Variants in AOPEP observed in about 807,000 individuals in gnomAD.
AOPEP encodes aminopeptidase O.
Under a neutral mutation model 98.1 loss-of-function variants are expected in AOPEP, and 77 were observed. That is an observed-to-expected ratio of 0.78 (90% CI 0.65 to 0.95). The LOEUF is 0.95. Among genes scored for constraint, AOPEP ranks in the 40% least tolerant of loss-of-function variants. AOPEP has a pLI of 0.00. For synonymous variants in AOPEP, 346 were observed against 365.3 expected (o/e 0.95, Z 0.60); for missense variants, 1,024 against 1,024.7 (o/e 1.00, Z 0.01).
At chr9:94,745,027 G>C (rs1453687624) in intron 1 of AOPEP, among the ~76,000 whole-genome samples, 1 of 152,042 alleles carries the variant, frequency 6.6e-6, no homozygotes, top group East Asian at 1.9e-4. Flanking sequence ...TCACATCAGG[G>C]AAATGGGGTA....
At position 94,773,045 on chromosome 9, in the gene AOPEP, CT is replaced by C; in HGVS notation, c.846del (p.Pro283HisfsTer25). ...TVGSPINNRALFPCQEPPVAM... is the reference protein window; with the variant it reads ...TVGSPINNRAXFPCQEPPVAM... ...GGGATCTCCCATAAACAACAGGGCC[CT>C]TTTTCCATGCCAGGAGCCACCCGTT... On this transcript the variant is annotated frameshift_variant, in exon 3 of 17. Coordinates refer to ENST00000375315, the MANE Select transcript of AOPEP (RefSeq NM_001193329.3). LOFTEE classifies it high-confidence loss of function. 1 of 1,614,078 alleles carries C rather than the reference CT, an allele frequency of 6.2e-7. No homozygotes were observed. Among genetic ancestry groups the C allele is most frequent in the Non-Finnish European group, 8.5e-7 (1 of 1,179,960 alleles).
At chr9:95,079,036 C>T (rs1448122146) in intron 14 of AOPEP, among the ~76,000 whole-genome samples, 1 of 152,186 alleles carries the variant, frequency 6.6e-6, no homozygotes, top group African/African-American at 2.4e-5. Context: ...GCCGTCCCAG[C>T]CTCCTTCCCT....
rs1464026689 is a variant in AOPEP, at chr9:95,005,629, G to A, written c.2115+13G>A. 1.2e-6 allele frequency: 2 copies of A among 1,611,848 alleles called. No individual in the cohort carries two copies. The highest frequency in any genetic ancestry group is 1.3e-5 in the African/African-American group (1 of 74,866). ...GGTGTTTGAAAAGGTAGGGGTTCCC[G>A]AGACGGTACTCGGTGCAGGTCTTGG... On this transcript the variant is annotated intron_variant, in intron 13 of 16. Transcript: ENST00000375315.
intron 5 of AOPEP, among the ~76,000 whole-genome samples, chr9:94,908,371 C>T (rs1406167355): frequency 2.6e-5 from 4 of 152,142 alleles, no homozygotes; most frequent in African/African-American, 4.8e-5. Context: ...CCCTTGTTGG[C>T]CCCTCACCAA....
the AOPEP span, among the ~76,000 whole-genome samples, chr9:95,144,272 T>C: frequency 6.6e-6 from 1 of 152,146 alleles, no homozygotes; most frequent in Non-Finnish European, 1.5e-5. Flanking sequence ...CTTGGGGAAC[T>C]TGCTGAGCTG....
At chr9:94,839,791 CAG>C (rs1490062674) in intron 5 of AOPEP, among the ~76,000 whole-genome samples, 2 of 151,532 alleles carry the variant, frequency 1.3e-5, no homozygotes, top group Non-Finnish European at 2.9e-5. Context: ...TTTTTTGAGA[CAG>C]GGTCTCACTC....
intron 1 of AOPEP, among the ~76,000 whole-genome samples, chr9:94,739,217 C>T (rs760435803): frequency 6.6e-6 from 1 of 152,208 alleles, no homozygotes; most frequent in Non-Finnish European, 1.5e-5. Context: ...CCGTACTTTC[C>T]TTAGCTCCCA....
At chr9:94,973,704 G>A (rs1335099524) in intron 10 of AOPEP, among the ~76,000 whole-genome samples, 2 of 152,200 alleles carry the variant, frequency 1.3e-5, no homozygotes, top group Non-Finnish European at 2.9e-5. Flanking sequence ...GAAAGTCCGC[G>A]CTCACTAGTA....
chr9:95,004,144 C>G (rs1490868386), intron 11 of AOPEP: 1 of 448,906 alleles, frequency 2.2e-6, no homozygotes, highest in South Asian at 1.6e-5. Flanking sequence ...AAGGGATGGT[C>G]AAGACCCAGC....
intron 13 of AOPEP, among the ~76,000 whole-genome samples, chr9:95,042,717 C>G (rs2133606651): frequency 6.6e-6 from 1 of 152,298 alleles, no homozygotes; most frequent in East Asian, 1.9e-4. Context: ...CCTTCTCACA[C>G]TGCTGTCTTT....
At chr9:95,036,131 G>C (rs1056657926) in intron 13 of AOPEP, among the ~76,000 whole-genome samples, 12 of 152,130 alleles carry the variant, frequency 7.9e-5, no homozygotes, top group African/African-American at 2.7e-4. Flanking sequence ...CTGTTTAAAG[G>C]TTCCTTTGTG....
At chr9:94,835,925 C>T (rs918375503) in intron 5 of AOPEP, among the ~76,000 whole-genome samples, 1 of 152,170 alleles carries the variant, frequency 6.6e-6, no homozygotes, top group Admixed American at 6.6e-5. Flanking sequence ...TTTGTTCTAT[C>T]CCTATACCTC....
intron 5 of AOPEP, among the ~76,000 whole-genome samples, chr9:94,835,885 T>C (rs985744120): frequency 6.6e-6 from 1 of 152,216 alleles, no homozygotes; most frequent in African/African-American, 2.4e-5. Flanking sequence ...GTGGGTTTTC[T>C]AGATTCTTCT....
At chr9:94,804,965 A>G (rs1848930093) in intron 5 of AOPEP, among the ~76,000 whole-genome samples, 1 of 152,202 alleles carries the variant, frequency 6.6e-6, no homozygotes, top group Non-Finnish European at 1.5e-5. Flanking sequence ...TCCGGTCCAC[A>G]GGCCTCAAGG....
intron 5 of AOPEP, among the ~76,000 whole-genome samples, chr9:94,849,506 CT>C (rs71496986): frequency 6.1e-4 from 17 of 27,940 alleles, no homozygotes; most frequent in Admixed American, 2.6e-3. Context: ...TTCTTTCTTT[CT>C]TTTTTTTTTT....
chr9:94,782,073 A>G (rs1211303571), intron 3 of AOPEP, among the ~76,000 whole-genome samples: 2 of 151,544 alleles, frequency 1.3e-5, no homozygotes, highest in African/African-American at 2.4e-5. Flanking sequence ...GGCGCGTGTA[A>G]TCCCAGCTAC....
intron 13 of AOPEP, among the ~76,000 whole-genome samples, chr9:95,043,434 A>G (rs1342077708): frequency 6.6e-6 from 1 of 152,124 alleles, no homozygotes. Flanking sequence ...ACATAAAACT[A>G]ATTTATGGTT....
chr9:94,834,812 G>GCATA (rs960389893), intron 5 of AOPEP, among the ~76,000 whole-genome samples: 237 of 22,218 alleles, frequency 0.011, 4 homozygotes, highest in East Asian at 0.089. Flanking sequence ...ATGCATGCAT[G>GCATA]CATACATACA....
At chr9:94,973,711 A>G (rs1294698959) in intron 10 of AOPEP, among the ~76,000 whole-genome samples, 2 of 152,260 alleles carry the variant, frequency 1.3e-5, no homozygotes, top group East Asian at 1.9e-4. Flanking sequence ...CGCGCTCACT[A>G]GTACGGATAC....
Sources: gnomAD v4.1 joint callset for allele counts (sites outside exome capture counted in the v4.1 genomes callset) on GRCh38, gnomAD v4.1.1 for gene constraint, MANE v1.5 for transcripts, NCBI Gene and HGNC (gene_info 2026-07-23, HGNC 2026-07-21) for gene names.